CENPK: variants seen among roughly 807,000 people sequenced by gnomAD.
The protein encoded by CENPK is SoxLZ/Sox6-binding protein Solt.
In CENPK, 46 loss-of-function variants were observed where a neutral mutation model predicts 40.9. The observed-to-expected ratio is 1.13, with a 90% CI of 0.89 to 1.44. The LOEUF is 1.44. CENPK is among the 40% of genes most tolerant of loss of function. The pLI is 0.00. For synonymous variants in CENPK, 107 were observed against 104.4 expected, an observed-to-expected ratio of 1.02 and a Z score of -0.15; for missense variants, 288 against 303.5, an observed-to-expected ratio of 0.95 and a Z score of 0.38.
At position 65,560,326 on chromosome 5, in the gene CENPK, A is replaced by T. The variant is rs189640456; in HGVS notation, c.-40+1137T>A. Among the ~76,000 whole-genome samples, 315 of 152,246 alleles carry T rather than the reference A, an allele frequency of 2.1e-3. 3 individuals carry two copies. The highest frequency in any genetic ancestry group is 7.0e-3 in the African/African-American group (292 of 41,546). On this transcript the variant is annotated intron_variant, in intron 2 of 10. Coordinates refer to ENST00000396679, the MANE Select transcript of CENPK (RefSeq NM_022145.5). ...AACAACTCACCATTAAAAAAAATTTAAAAAAGATTACCAAAAAAGTCAGGT... is the reference window on the plus strand; with the variant it reads ...AACAACTCACCATTAAAAAAAATTTTAAAAAGATTACCAAAAAAGTCAGGT...
intron 6 of CENPK, among the ~76,000 whole-genome samples, chr5:65,536,046 T>A (rs1746836119): frequency 6.6e-6 from 1 of 152,168 alleles, no homozygotes; most frequent in South Asian, 2.1e-4. Flanking sequence ...TAGAGCTGGC[T>A]CACTGAATAT....
chr5:65,515,204 A>AATGTTTTTTTTTT (rs35708852), downstream of CENPK, among the ~76,000 whole-genome samples: 1 of 124,056 alleles, frequency 8.1e-6, no homozygotes, highest in Non-Finnish European at 1.6e-5. Flanking sequence ...TCTCAAAAAA[A>AATGTTTTTTTTTT]TTTTTTTTTT....
intron 5 of CENPK, among the ~76,000 whole-genome samples, chr5:65,547,460 T>A (rs1749211873): frequency 6.7e-6 from 1 of 150,126 alleles, no homozygotes; most frequent in Admixed American, 6.7e-5. Flanking sequence ...AAAAAGGCAA[T>A]AAGACATACG....
chr5:65,529,498 T>A, intron 6 of CENPK: 1 of 208,422 alleles, frequency 4.8e-6, no homozygotes, highest in East Asian at 1.4e-4. Flanking sequence ...TTTCTTTCTT[T>A]TTTTTTTTTG....
intron 9 of CENPK, 30 bp downstream of exon 9, chr5:65,528,422 A>G (rs755228399): frequency 6.4e-7 from 1 of 1,561,320 alleles, no homozygotes; most frequent in East Asian, 2.3e-5. Context: ...AAATATGATA[A>G]TTTACATAAA....
intron 6 of CENPK, among the ~76,000 whole-genome samples, chr5:65,536,649 G>GA (rs1200641446): frequency 1.6e-5 from 2 of 123,056 alleles, no homozygotes; most frequent in Non-Finnish European, 3.5e-5. Flanking sequence ...TATATGTAGG[G>GA]ATTGGGGGGG....
At chr5:65,502,181 T>C in the CENPK span, among the ~76,000 whole-genome samples, 8 of 152,180 alleles carry the variant, frequency 5.3e-5, no homozygotes, top group Non-Finnish European at 1.0e-4. Context: ...GTGGTTATAG[T>C]TGAAAAGTTT....
At chr5:65,547,174 C>T (rs1749146274) in intron 5 of CENPK, among the ~76,000 whole-genome samples, 1 of 152,050 alleles carries the variant, frequency 6.6e-6, no homozygotes, top group African/African-American at 2.4e-5. Flanking sequence ...AGGAGGATCA[C>T]CTGAGGTCAA....
At chr5:65,535,908 C>T (rs1392218138) in intron 6 of CENPK, among the ~76,000 whole-genome samples, 1 of 152,152 alleles carries the variant, frequency 6.6e-6, no homozygotes, top group Non-Finnish European at 1.5e-5. Flanking sequence ...GGAAGGATTA[C>T]AGGGCGGGTA....
At chr5:65,560,150 T>G (rs956093636) in intron 2 of CENPK, among the ~76,000 whole-genome samples, 5 of 152,086 alleles carry the variant, frequency 3.3e-5, no homozygotes, top group African/African-American at 9.7e-5. Context: ...CCAAAATTTT[T>G]TTTTTAATTC....
rs774114264 is a variant in CENPK at position 65,528,481 on chromosome 5, G to C, written c.568C>G (p.Leu190Val). The change falls in exon 9 of 11, where the codon CTG becomes GTG. Residue 190 changes from leucine to valine, a missense_variant. Transcript: ENST00000396679. ...TTCTTTTTAACACTTCTATCAGGCA[G>C]AGGAAAATGGTCTTCTAGAAACTCG... ...LGEFLEDHFPLPDRSVKKKKK... is the reference protein window; with the variant it reads ...LGEFLEDHFPVPDRSVKKKKK... The C allele has an allele frequency of 6.2e-7, 1 of 1,604,408 alleles. No individual in the cohort carries two copies. The highest frequency in any genetic ancestry group is 8.5e-7 in the Non-Finnish European group (1 of 1,177,264).
Position 65,551,618 on chromosome 5 carries a change from G to A in CENPK, c.187C>T (p.Gln63Ter). Residue 63 changes from glutamine (Q) to a stop codon, truncating the protein, a stop_gained, in exon 5 of 11, where the codon CAA (glutamine) becomes TAA (stop). Transcript: ENST00000396679. LOFTEE classifies it high-confidence loss of function. Reference sequence around the variant, plus strand: ...AGTTCAGCGGTTAAACATTTTACTTGCATAATTAACAATGATAGCTACAAA... The same window carrying A: ...AGTTCAGCGGTTAAACATTTTACTTACATAATTAACAATGATAGCTACAAA... ...SNAQLSLLIM[Q>*]VKCLTAELSQ... The A allele has an allele frequency of 6.4e-7, 1 of 1,567,342 alleles. No homozygotes were observed. The highest frequency in any genetic ancestry group is 8.7e-7 in the Non-Finnish European group (1 of 1,150,700).
chr5:65,516,054 T>C (rs1742833294), downstream of CENPK, among the ~76,000 whole-genome samples: 1 of 152,210 alleles, frequency 6.6e-6, no homozygotes, highest in Admixed American at 6.5e-5. Context: ...ACTAACCTTA[T>C]GTTAGTCAGG....
chr5:65,520,977 T>C (rs1055420508), intron 10 of CENPK, among the ~76,000 whole-genome samples: 7 of 152,260 alleles, frequency 4.6e-5, no homozygotes, highest in African/African-American at 1.7e-4. Context: ...TCAGAGAAAG[T>C]TGGAAAACTC....
Position 65,563,108 on chromosome 5 carries a change from T to G in CENPK, c.-152A>C, listed in dbSNP as rs1027093258. 2 of 593,486 alleles carry G rather than the reference T, an allele frequency of 3.4e-6. No individual in the cohort carries two copies. The highest frequency in any genetic ancestry group is 3.8e-5 in the African/African-American group (2 of 53,132). 36.8% of individuals were successfully genotyped at this position (593,486 alleles called of 1,614,324 possible). A position where few individuals can be genotyped will look rare whatever the true frequency, so the allele number is the denominator to read the frequency against. Reference sequence around the variant, plus strand: ...CGGCCCAGGTCTTACCATCACAGCGTCACAAACTCCAGGTCGCCTAGGCGC... The same window carrying G: ...CGGCCCAGGTCTTACCATCACAGCGGCACAAACTCCAGGTCGCCTAGGCGC... On this transcript the variant is annotated 5_prime_UTR_variant, in exon 1 of 11. Transcript: ENST00000396679.
the CENPK span, among the ~76,000 whole-genome samples, chr5:65,502,655 G>A: frequency 6.6e-6 from 1 of 152,010 alleles, no homozygotes; most frequent in Non-Finnish European, 1.5e-5. Flanking sequence ...CTGTCACCCA[G>A]GCTAGAGGCT....
At chr5:65,504,711 AT>A in the CENPK span, among the ~76,000 whole-genome samples, 3 of 152,288 alleles carry the variant, frequency 2.0e-5, no homozygotes, top group African/African-American at 7.2e-5. Flanking sequence ...GAAGTACGAT[AT>A]CCCTGTGACA....
downstream of CENPK, among the ~76,000 whole-genome samples, chr5:65,516,373 G>A (rs559228580): frequency 6.6e-6 from 1 of 152,112 alleles, no homozygotes; most frequent in South Asian, 2.1e-4. Flanking sequence ...CCTTCTCTAA[G>A]TTTAATCCAG....
intron 4 of CENPK, 38 bp from the exon 5 acceptor site, chr5:65,551,674 A>G (rs1394482391): frequency 1.9e-6 from 2 of 1,028,944 alleles, no homozygotes; most frequent in East Asian, 5.1e-5. Flanking sequence ...TCTGTGGACT[A>G]TTCATACCTA....
Sources: gnomAD v4.1 joint callset for allele counts (sites outside exome capture counted in the v4.1 genomes callset) on GRCh38, gnomAD v4.1.1 for gene constraint, MANE v1.5 for transcripts, NCBI Gene and HGNC (gene_info 2026-07-23, HGNC 2026-07-21) for gene names.